ZFP2: variants seen among roughly 807,000 people sequenced by gnomAD.
The protein encoded by ZFP2 is ZFP2 zinc finger protein.
ZFP2 carries 33 observed loss-of-function variants against 36.1 expected under a neutral mutation model. The ratio of observed to expected loss-of-function variants is 0.92; its 90% CI spans 0.69 to 1.22. The LOEUF (loss-of-function observed/expected upper bound fraction) is 1.22, where lower values mean the gene tolerates loss of function less well. Among genes scored for constraint, ZFP2 ranks in the 50% most tolerant of loss-of-function variants. The pLI is 0.00. For missense variants in ZFP2, 522 were observed against 551.4 expected (o/e 0.95, Z 0.53); for synonymous variants, 170 against 178.0 (o/e 0.96, Z 0.36).
intron 1 of ZFP2, chr5:178,910,157 A>C (rs1449700713): frequency 4.7e-6 from 7 of 1,474,026 alleles, no homozygotes; most frequent in Admixed American, 1.7e-5. Context: ...TGCTGTCTGC[A>C]TTTAATGCTT....
At chr5:178,923,719 T>G (rs1433720771) in intron 4 of ZFP2, among the ~76,000 whole-genome samples, 1 of 148,342 alleles carries the variant, frequency 6.7e-6, no homozygotes, top group East Asian at 1.9e-4. Flanking sequence ...AAATCTCTTC[T>G]GCCAGTTTTT....
In ZFP2 at chr5:178,931,160, T is replaced by C. The variant is rs1758825363; in HGVS notation, c.-77-77T>C. On this transcript the variant is annotated intron_variant, in intron 4 of 4. Transcript: ENST00000361362. ...TTTTAGTTGATAGCTAGTTTAATTC[T>C]CTCATTCCTACCTTATGCAGTTTCC... 2.2e-6 allele frequency: 3 copies of C among 1,393,996 alleles called. No individual in the cohort carries two copies. In the East Asian group the frequency reaches 7.8e-5, roughly 36 times the overall value. The allele number at this position is 1,393,996 out of a possible 1,614,324, so 86.4% of individuals were successfully genotyped here. A position where few individuals can be genotyped will look rare whatever the true frequency, so the allele number is the denominator to read the frequency against.
intron 3 of ZFP2, chr5:178,913,767 T>C (rs888544688): frequency 2.1e-5 from 3 of 145,224 alleles, no homozygotes; most frequent in Admixed American, 1.4e-4. Flanking sequence ...TTAGGTGTTA[T>C]TACTGACTTT....
rs1758584277 is a variant in ZFP2 at position 178,922,752 on chromosome 5, G to C, written c.-78+6042G>C. 1.3e-5 allele frequency: 20 copies of C among 1,537,342 alleles called. 1 individual carries two copies. In the South Asian group the frequency reaches 2.2e-4, roughly 17 times the overall value. On this transcript the variant is annotated intron_variant, in intron 4 of 4. Coordinates refer to ENST00000361362, the MANE Select transcript of ZFP2 (RefSeq NM_030613.4). ...GCAAAGGGAGATATTTCTTTGTGCA[G>C]ATTCTGTAAGGGCTGTGCAGAAATG...
chr5:178,920,250 T>C (rs1758528755), intron 4 of ZFP2, among the ~76,000 whole-genome samples: 2 of 152,332 alleles, frequency 1.3e-5, no homozygotes, highest in South Asian at 4.1e-4. Context: ...TAATCTGTCT[T>C]CAAGTTAATT....
chr5:178,896,907 A>C (rs1757956198), intron 1 of ZFP2, among the ~76,000 whole-genome samples: 1 of 152,240 alleles, frequency 6.6e-6, no homozygotes, highest in Admixed American at 6.5e-5. Context: ...TGAAAAAAAC[A>C]TTGGAATATG....
intron 4 of ZFP2, among the ~76,000 whole-genome samples, chr5:178,919,991 A>G (rs1758521239): frequency 6.6e-6 from 1 of 151,860 alleles, no homozygotes; most frequent in East Asian, 1.9e-4. Context: ...TTTGATTATG[A>G]TGCATCTGGG....
chr5:178,905,259 G>T (rs1758146752), intron 1 of ZFP2, among the ~76,000 whole-genome samples: 1 of 151,982 alleles, frequency 6.6e-6, no homozygotes, highest in African/African-American at 2.4e-5. Context: ...TTTCATTATG[G>T]CCTTTAACTC....
intron 4 of ZFP2, among the ~76,000 whole-genome samples, chr5:178,917,786 G>A (rs1051854007): frequency 9.2e-5 from 14 of 152,098 alleles, no homozygotes; most frequent in African/African-American, 2.4e-4. Flanking sequence ...TGTTTAATAC[G>A]TACACATATC....
chr5:178,922,593 G>T, intron 4 of ZFP2: 1 of 1,559,064 alleles, frequency 6.4e-7, no homozygotes, highest in Non-Finnish European at 8.8e-7. Flanking sequence ...CCTTGACAGG[G>T]CAAGAGCATG....
At chr5:178,909,525 T>G (rs1170737691) in intron 1 of ZFP2, among the ~76,000 whole-genome samples, 1 of 152,192 alleles carries the variant, frequency 6.6e-6, no homozygotes, top group Non-Finnish European at 1.5e-5. Flanking sequence ...GACTTCTCTT[T>G]GCTCATTCCT....
intron 1 of ZFP2, among the ~76,000 whole-genome samples, chr5:178,899,463 A>G (rs1164680424): frequency 6.6e-6 from 1 of 152,162 alleles, no homozygotes; most frequent in Non-Finnish European, 1.5e-5. Context: ...GAGCCTGTGT[A>G]TAGACTTTTA....
At chr5:178,908,185 A>C (rs921485305) in intron 1 of ZFP2, among the ~76,000 whole-genome samples, 5 of 152,196 alleles carry the variant, frequency 3.3e-5, no homozygotes, top group African/African-American at 1.2e-4. Context: ...GCAGTGGCTC[A>C]CGTCTGTAAT....
intron 3 of ZFP2, chr5:178,915,795 A>G (rs1473811612): frequency 1.3e-5 from 2 of 151,880 alleles, no homozygotes; most frequent in African/African-American, 4.8e-5. Flanking sequence ...GTGCCACTGC[A>G]CTCCAGCCTG....
chr5:178,907,868 A>G (rs1036182938), intron 1 of ZFP2, among the ~76,000 whole-genome samples: 17 of 152,208 alleles, frequency 1.1e-4, no homozygotes, highest in African/African-American at 1.9e-4. Context: ...TCTGCATTCA[A>G]TGCTTAAGTG....
intron 1 of ZFP2, among the ~76,000 whole-genome samples, chr5:178,900,957 T>A (rs1758043883): frequency 6.6e-6 from 1 of 152,260 alleles, no homozygotes; most frequent in African/African-American, 2.4e-5. Flanking sequence ...CTGGCTTTTT[T>A]TGCTCAACGT....
chr5:178,929,982 G>A (rs955729816), intron 4 of ZFP2, among the ~76,000 whole-genome samples: 4 of 151,462 alleles, frequency 2.6e-5, no homozygotes, highest in Non-Finnish European at 5.9e-5. Flanking sequence ...ATGGCAGTAG[G>A]TGAGAGGGGA....
In ZFP2 at chr5:178,932,199, A is replaced by T. The variant is rs546421585; in HGVS notation, c.886A>T (p.Lys296Ter). ...TLHQRNHTGE[K>*]PYKCNKCGKS... ...ACATCAGCGAAATCACACTGGAGAAAAACCTTACAAATGTAACAAATGCGG... is the reference window on the plus strand; with the variant it reads ...ACATCAGCGAAATCACACTGGAGAATAACCTTACAAATGTAACAAATGCGG... The change falls in exon 5 of 5, where the codon AAA becomes TAA. Residue 296 changes from lysine to a stop codon, truncating the protein, a stop_gained. Coordinates refer to ENST00000361362, the MANE Select transcript of ZFP2 (RefSeq NM_030613.4). LOFTEE classifies it high-confidence loss of function. 1.9e-6 allele frequency: 3 copies of T among 1,614,188 alleles called. No homozygotes were observed. In the East Asian group the frequency reaches 6.7e-5, roughly 36 times the overall value.
At chr5:178,919,178 C>T (rs531804925) in intron 4 of ZFP2, among the ~76,000 whole-genome samples, 1 of 150,666 alleles carries the variant, frequency 6.6e-6, no homozygotes, top group African/African-American at 2.4e-5. Context: ...TTTTTGAACA[C>T]GAATGGATGA....
Sources: gnomAD v4.1 joint callset for allele counts (sites outside exome capture counted in the v4.1 genomes callset) on GRCh38, gnomAD v4.1.1 for gene constraint, MANE v1.5 for transcripts, NCBI Gene and HGNC (gene_info 2026-07-23, HGNC 2026-07-21) for gene names.